The following FIGN variants were observed in gnomAD, a reference collection of about 807,000 sequenced individuals.
FIGN encodes fidgetin, microtubule severing factor, also known as fidgetin.
Under a neutral mutation model 51.3 loss-of-function variants are expected in FIGN, and 11 were observed. The observed-to-expected ratio is 0.21, with a 90% confidence interval of 0.13 to 0.35. The LOEUF (loss-of-function observed/expected upper bound fraction) is 0.35. Among genes scored for constraint, FIGN ranks in the 10% least tolerant of loss-of-function variants. The pLI, the probability that FIGN is intolerant of heterozygous loss-of-function variation, is 1.00. For missense variants in FIGN, 857 were observed against 943.6 expected, an observed-to-expected ratio of 0.91 and a Z score of 1.20; for synonymous variants, 407 against 363.2, an observed-to-expected ratio of 1.12 and a Z score of -1.37.
chr2:163,684,840 T>C (rs1391988440), intron 2 of FIGN, among the ~76,000 whole-genome samples: 5 of 152,134 alleles, frequency 3.3e-5, no homozygotes, highest in Non-Finnish European at 5.9e-5. Context: ...ACTGGCGTGA[T>C]CTCGGCTCAC....
chr2:163,716,607 A>C (rs553394981), intron 2 of FIGN, among the ~76,000 whole-genome samples: 52 of 152,304 alleles, frequency 3.4e-4, no homozygotes, highest in Non-Finnish European at 7.1e-4. Flanking sequence ...TCCAGATTCA[A>C]AGATAATGTT....
At chr2:163,726,712 TTAGA>T (rs1172554366) in intron 2 of FIGN, among the ~76,000 whole-genome samples, 1 of 152,090 alleles carries the variant, frequency 6.6e-6, no homozygotes, top group Non-Finnish European at 1.5e-5. Flanking sequence ...CATATTCCAT[TTAGA>T]TAATCAAAAC....
At chr2:163,654,946 T>C (rs891495548) in intron 2 of FIGN, among the ~76,000 whole-genome samples, 1 of 152,116 alleles carries the variant, frequency 6.6e-6, no homozygotes, top group African/African-American at 2.4e-5. Flanking sequence ...TGACAAACCA[T>C]AGAGGGCACT....
chr2:163,652,786 C>A (rs974113409), intron 2 of FIGN, among the ~76,000 whole-genome samples: 3 of 151,878 alleles, frequency 2.0e-5, no homozygotes, highest in African/African-American at 7.3e-5. Context: ...CCCTGGTTTC[C>A]GTCCAAAAAA....
At chr2:163,632,194 T>C (rs886138369) in intron 2 of FIGN, among the ~76,000 whole-genome samples, 5 of 152,262 alleles carry the variant, frequency 3.3e-5, no homozygotes, top group Non-Finnish European at 5.9e-5. Context: ...ATTTAAAAAG[T>C]AATAAAGTAT....
At chr2:163,695,019 C>G (rs985197203) in intron 2 of FIGN, among the ~76,000 whole-genome samples, 2 of 152,080 alleles carry the variant, frequency 1.3e-5, no homozygotes, top group East Asian at 3.9e-4. Flanking sequence ...TTCCGCCCCC[C>G]TCCTTTGAGA....
chr2:163,720,088 G>T (rs1435539010), intron 2 of FIGN, among the ~76,000 whole-genome samples: 1 of 152,064 alleles, frequency 6.6e-6, no homozygotes, highest in Non-Finnish European at 1.5e-5. Flanking sequence ...ATCTGGACCG[G>T]GTTATTACTG....
chr2:163,730,968 A>G (rs900804428), intron 2 of FIGN, among the ~76,000 whole-genome samples: 3 of 152,182 alleles, frequency 2.0e-5, no homozygotes, highest in Non-Finnish European at 4.4e-5. Flanking sequence ...GCACCTTTCT[A>G]TTTCTATTAA....
chr2:163,689,704 T>A (rs533460155), intron 2 of FIGN, among the ~76,000 whole-genome samples: 1 of 152,268 alleles, frequency 6.6e-6, no homozygotes, highest in African/African-American at 2.4e-5. Flanking sequence ...AAAGTGGTAT[T>A]CTGAAGCAGT....
chr2:163,633,123 G>A (rs573607324), intron 2 of FIGN, among the ~76,000 whole-genome samples: 11 of 152,208 alleles, frequency 7.2e-5, no homozygotes, highest in South Asian at 2.1e-4. Flanking sequence ...ACTGGAGGCC[G>A]CAGTGAGCCA....
Position 163,609,909 on chromosome 2 carries a change from C to T in FIGN, c.1923G>A (p.Arg641=). 1 of 1,614,084 alleles carries T rather than the reference C, an allele frequency of 6.2e-7. No homozygotes were observed. The highest frequency in any genetic ancestry group is 8.5e-7 in the Non-Finnish European group (1 of 1,180,030). The change falls in exon 3 of 3, where the codon CGG becomes CGA. Residue 641 remains arginine (R), a synonymous_variant. Transcript: ENST00000333129. ...TTAAAAGTCGTTTCATGAAGTACCT[C>T]CGAAGGGATTCATCTATTTCTTCTG... ...SKPEEIDESL[R]RYFMKRLLIP...
At chr2:163,683,442 AAAGGCCTGGGCT>A (rs987647789) in intron 2 of FIGN, among the ~76,000 whole-genome samples, 1 of 152,228 alleles carries the variant, frequency 6.6e-6, no homozygotes, top group Non-Finnish European at 1.5e-5. Context: ...ATTAAGCTAT[AAAGGCCTGGGCT>A]AGGCTAGCAT....
intron 2 of FIGN, among the ~76,000 whole-genome samples, chr2:163,614,543 TAGAGA>T (rs1340430792): frequency 1.3e-5 from 2 of 151,208 alleles, no homozygotes; most frequent in African/African-American, 2.4e-5. Flanking sequence ...AAATACAGAG[TAGAGA>T]AAATAAGAAC....
At chr2:163,718,819 A>G (rs961043616) in intron 2 of FIGN, among the ~76,000 whole-genome samples, 5 of 147,438 alleles carry the variant, frequency 3.4e-5, no homozygotes, top group Admixed American at 3.3e-4. Context: ...AACAGATTAT[A>G]TATATATAAG....
intron 2 of FIGN, among the ~76,000 whole-genome samples, chr2:163,665,964 C>T (rs1011652465): frequency 1.3e-5 from 2 of 152,140 alleles, no homozygotes; most frequent in East Asian, 1.9e-4. Context: ...TGAAAGCCAC[C>T]ATGGTGCATG....
intron 2 of FIGN, among the ~76,000 whole-genome samples, chr2:163,713,852 G>A (rs1404444750): frequency 6.6e-6 from 1 of 151,992 alleles, no homozygotes; most frequent in East Asian, 1.9e-4. Context: ...AAAGAGGGGG[G>A]AAAAAAGAAA....
At chr2:163,640,200 A>G (rs1683286662) in intron 2 of FIGN, among the ~76,000 whole-genome samples, 1 of 152,214 alleles carries the variant, frequency 6.6e-6, no homozygotes, top group African/African-American at 2.4e-5. Flanking sequence ...TCTAATTATG[A>G]AAAAATTAAC....
intron 2 of FIGN, among the ~76,000 whole-genome samples, chr2:163,726,557 C>T (rs1185966953): frequency 6.6e-6 from 1 of 152,012 alleles, no homozygotes; most frequent in African/African-American, 2.4e-5. Context: ...TCTTTTACCT[C>T]TGCTTGAATG....
At chr2:163,624,708 A>ATATTTTT (rs564288395) in intron 2 of FIGN, among the ~76,000 whole-genome samples, 4 of 145,494 alleles carry the variant, frequency 2.7e-5, no homozygotes, top group African/African-American at 1.0e-4. Flanking sequence ...ATATATATAT[A>ATATTTTT]TTTTTTTTTT....
Sources: gnomAD v4.1 joint callset for allele counts (sites outside exome capture counted in the v4.1 genomes callset) on GRCh38, gnomAD v4.1.1 for gene constraint, MANE v1.5 for transcripts, NCBI Gene and HGNC (gene_info 2026-07-23, HGNC 2026-07-21) for gene names.